HSD17B4: variants seen among roughly 807,000 people sequenced by gnomAD.
HSD17B4 encodes the protein peroxisomal multifunctional enzyme type 2.
HSD17B4 carries 70 observed loss-of-function variants against 101.0 expected under a neutral mutation model. The observed-to-expected ratio is 0.69, with a 90% CI of 0.57 to 0.85. The LOEUF (loss-of-function observed/expected upper bound fraction) is 0.85, where lower values mean the gene tolerates loss of function less well. Among genes scored for constraint, HSD17B4 ranks in the 40% least tolerant of loss-of-function variants. The pLI, the probability that HSD17B4 is intolerant of heterozygous loss-of-function variation, is 0.00. For missense variants in HSD17B4, 984 were observed against 892.4 expected (o/e 1.10, Z -1.31); for synonymous variants, 347 against 297.1 (o/e 1.17, Z -1.73).
At chr5:119,540,072 G>A (rs115486577) in intron 23 of HSD17B4, among the ~76,000 whole-genome samples, 1,855 of 152,214 alleles carry the variant, frequency 0.012, 16 homozygotes, top group African/African-American at 0.022. Flanking sequence ...GGGTGACAGA[G>A]CAAGACCCTG....
intron 2 of HSD17B4, among the ~76,000 whole-genome samples, chr5:119,469,339 G>C (rs930470069): frequency 6.6e-6 from 1 of 151,042 alleles, no homozygotes; most frequent in African/African-American, 2.4e-5. Context: ...TTTAAAGAAA[G>C]GTATCTATTT....
chr5:119,469,547 G>C (rs113828297), intron 2 of HSD17B4, among the ~76,000 whole-genome samples: 3 of 152,032 alleles, frequency 2.0e-5, no homozygotes, highest in Admixed American at 6.6e-5. Context: ...TAGAAATGTA[G>C]TTTCATCATG....
intron 14 of HSD17B4, among the ~76,000 whole-genome samples, chr5:119,503,341 A>G (rs1247268229): frequency 2.0e-5 from 3 of 152,172 alleles, no homozygotes; most frequent in African/African-American, 7.2e-5. Context: ...TGATGTGAAT[A>G]GGAAGGTGTA....
Position 119,502,040 on chromosome 5 carries a change from G to A in HSD17B4, c.1210-1G>A, listed in dbSNP as rs1554065671. 2 of 1,601,744 alleles carry A rather than the reference G, an allele frequency of 1.2e-6. No individual in the cohort carries two copies. Among genetic ancestry groups the A allele is most frequent in the Non-Finnish European group, 8.6e-7 (1 of 1,168,956 alleles). The stretch of plus-strand genomic sequence containing the variant: ...ATAAAATTTTGTTTACCCTAACATA[G>A]GTTCTTCATGGAGAGCAGTACTTAG... On this transcript the variant is annotated splice_acceptor_variant, in intron 13 of 23. Coordinates refer to ENST00000510025, the MANE Select transcript of HSD17B4 (RefSeq NM_000414.4). LOFTEE classifies it high-confidence loss of function.
Position 119,517,217 on chromosome 5 carries a change from T to A in HSD17B4, c.1503+2171T>A, listed in dbSNP as rs533411348. 6.6e-5 allele frequency among the ~76,000 whole-genome samples: 10 copies of A among 152,322 alleles called. No homozygotes were observed. In the South Asian group the frequency reaches 2.1e-3, roughly 32 times the overall value. On this transcript the variant is annotated intron_variant, in intron 17 of 23. Coordinates refer to ENST00000510025, the MANE Select transcript of HSD17B4 (RefSeq NM_000414.4). ...ACTCAGAGCAGCTGGCCGGCCCTGC[T>A]GGCCCCGGGCAATGAGGGGCTTAGC...
chr5:119,529,739 A>T (rs1180420884), intron 20 of HSD17B4, among the ~76,000 whole-genome samples, 155 bp from the exon 21 acceptor site: 1 of 152,164 alleles, frequency 6.6e-6, no homozygotes, highest in Non-Finnish European at 1.5e-5. Flanking sequence ...GTTCATCTTG[A>T]CATTTACTTT....
intron 16 of HSD17B4, among the ~76,000 whole-genome samples, chr5:119,510,479 A>C (rs573599383): frequency 6.6e-6 from 1 of 152,204 alleles, no homozygotes; most frequent in Non-Finnish European, 1.5e-5. Context: ...ACTGTAGTCA[A>C]TATTCTTCTG....
intron 2 of HSD17B4, among the ~76,000 whole-genome samples, chr5:119,468,296 G>A (rs1756014723): frequency 6.6e-6 from 1 of 151,990 alleles, no homozygotes; most frequent in Admixed American, 6.6e-5. Flanking sequence ...TTTAAGACGG[G>A]TCTAGTGGTG....
rs35717907 is a variant in HSD17B4, at chr5:119,477,295, G to A, written c.350-122G>A. On this transcript the variant is annotated intron_variant, in intron 6 of 23. Transcript: ENST00000510025. ...AAATACTCATTGGGGTGTGACAGTA[G>A]GCAATTTTATACATTAGGTATAAAA... The A allele has an allele frequency of 0.01, 7,194 of 713,442 alleles. 61 individuals are homozygous for A. Among genetic ancestry groups the A allele is most frequent in the Non-Finnish European group, 0.012 (4,978 of 406,156 alleles). 44.2% of individuals were successfully genotyped at this position (713,442 alleles called of 1,614,324 possible).
chr5:119,471,949 C>T (rs1474028463), intron 2 of HSD17B4, among the ~76,000 whole-genome samples: 10 of 152,268 alleles, frequency 6.6e-5, no homozygotes, highest in East Asian at 1.9e-4. Context: ...CATTCTTATA[C>T]ATTTGTGTGT....
intron 15 of HSD17B4, 143 bp from the exon 16 acceptor site, chr5:119,508,998 T>G: frequency 1.6e-6 from 1 of 638,948 alleles, no homozygotes. Flanking sequence ...AATCCAAACT[T>G]GGACACCTTT....
At position 119,478,936 on chromosome 5, in the gene HSD17B4, A is replaced by C; in HGVS notation, c.537A>C (p.Ala179=). 6.2e-7 allele frequency: 1 copy of C among 1,613,756 alleles called. No homozygotes were observed. The highest frequency in any genetic ancestry group is 8.5e-7 in the Non-Finnish European group (1 of 1,179,746). The change falls in exon 8 of 24, where the codon GCA becomes GCC. Residue 179 remains alanine, a synonymous_variant. Coordinates refer to ENST00000510025, the MANE Select transcript of HSD17B4 (RefSeq NM_000414.4). ...LGLLGLANSL[A]IEGRKSNIHC... Reference sequence around the variant, plus strand: ...TTCTGGGCCTTGCAAATTCTCTTGCAATTGAAGGCAGGAAAAGCAACATTC... The same window carrying C: ...TTCTGGGCCTTGCAAATTCTCTTGCCATTGAAGGCAGGAAAAGCAACATTC...
Position 119,463,655 on chromosome 5 carries a change from C to CT in HSD17B4, c.112+7317dup, listed in dbSNP as rs57252147. On this transcript the variant is annotated intron_variant, in intron 2 of 23. Coordinates refer to ENST00000510025, the MANE Select transcript of HSD17B4 (RefSeq NM_000414.4). ...ATATACTTCTTGGCCATTTATATGT[C>CT]TTTTTTTTTTTTTTTTTTTTTTTTT... Among the ~76,000 whole-genome samples, 279 of 29,700 alleles carry CT rather than the reference C, an allele frequency of 9.4e-3. 38 individuals carry two copies. The highest frequency in any genetic ancestry group is 0.017 in the Non-Finnish European group (214 of 12,402). 19.5% of individuals were successfully genotyped at this position (29,700 alleles called of 152,430 possible). A position where few individuals can be genotyped will look rare whatever the true frequency, so the allele number is the denominator to read the frequency against.
In HSD17B4 at chr5:119,526,373, G is replaced by A. The variant is rs566872825; in HGVS notation, c.1680+350G>A. ...CATTTTCATTAATTTAATTAAAAAT[G>A]TTAAGTGGCTGATTAAGTCCAATAA... On this transcript the variant is annotated intron_variant, in intron 19 of 23. Coordinates refer to ENST00000510025, the MANE Select transcript of HSD17B4 (RefSeq NM_000414.4). 1.8e-4 allele frequency among the ~76,000 whole-genome samples: 28 copies of A among 151,654 alleles called. 1 individual carries two copies. In the South Asian group the frequency reaches 5.6e-3, roughly 30 times the overall value.
Position 119,452,765 on chromosome 5 carries a change from T to G in HSD17B4, c.58+132T>G, listed in dbSNP as rs1580481856. 4 of 1,573,444 alleles carry G rather than the reference T, an allele frequency of 2.5e-6. No homozygotes were observed. The African/African-American group carries it at 5.4e-5, about 21-fold the overall frequency. The stretch of plus-strand genomic sequence containing the variant: ...TGGTGGGGAGGGGAATGGTTATTCT[T>G]GAGGCACCGCATCTCTTGAGGAGGA... On this transcript the variant is annotated intron_variant, in intron 1 of 23. Coordinates refer to ENST00000510025, the MANE Select transcript of HSD17B4 (RefSeq NM_000414.4).
At chr5:119,518,583 G>A (rs1254739775) in intron 17 of HSD17B4, among the ~76,000 whole-genome samples, 2 of 152,178 alleles carry the variant, frequency 1.3e-5, no homozygotes, top group Non-Finnish European at 2.9e-5. Flanking sequence ...AGAAGAGCAT[G>A]ACGTGTGTAT....
intron 8 of HSD17B4, among the ~76,000 whole-genome samples, chr5:119,479,720 A>G (rs566558174): frequency 3.3e-5 from 5 of 152,166 alleles, no homozygotes; most frequent in East Asian, 1.9e-4. Context: ...ATGTACTACA[A>G]TTTGTTTATT....
At chr5:119,536,201 G>C (rs1754518067) in intron 22 of HSD17B4, 1 of 478,068 alleles carries the variant, frequency 2.1e-6, no homozygotes, top group Admixed American at 3.3e-5. Context: ...TACAGAACTG[G>C]AAGTTCCACT....
intron 11 of HSD17B4, among the ~76,000 whole-genome samples, chr5:119,494,321 TTTCTTTTCTTTCTTTCTTTCTTTC>T (rs1561458588): frequency 6.8e-6 from 1 of 146,658 alleles, no homozygotes. Flanking sequence ...CCTTTCTTTC[TTTCTTTTCTTTCTTTCTTTCTTTC>T]TTTCTTTCTT....
Sources: gnomAD v4.1 joint callset for allele counts (sites outside exome capture counted in the v4.1 genomes callset) on GRCh38, gnomAD v4.1.1 for gene constraint, MANE v1.5 for transcripts, NCBI Gene and HGNC (gene_info 2026-07-23, HGNC 2026-07-21) for gene names.